Variants in FRMD4A observed in about 807,000 individuals in gnomAD.
The protein encoded by FRMD4A is FERM domain-containing protein 4A.
In FRMD4A, 29 loss-of-function variants were observed where a neutral mutation model predicts 129.1. The observed-to-expected ratio is 0.22, with a 90% CI of 0.17 to 0.31. The LOEUF (loss-of-function observed/expected upper bound fraction) is 0.31, where lower values mean the gene tolerates loss of function less well. Ranked by LOEUF, FRMD4A falls within the 10% of genes least tolerant of loss-of-function variation. FRMD4A has a pLI of 1.00. For missense variants in FRMD4A, 1,272 were observed against 1,375.8 expected (o/e 0.92, Z 1.19); for synonymous variants, 634 against 571.6 (o/e 1.11, Z -1.56).
intron 2 of FRMD4A, among the ~76,000 whole-genome samples, chr10:14,033,950 G>T (rs1326092207): frequency 6.6e-6 from 1 of 152,198 alleles, no homozygotes; most frequent in Non-Finnish European, 1.5e-5. Context: ...CTCATTTGCA[G>T]CAACATGCAT....
rs149503332 is a variant in FRMD4A at position 14,262,965 on chromosome 10, G to A, written c.45+67093C>T. Among the ~76,000 whole-genome samples the A allele has an allele frequency of 3.7e-4, 56 of 152,304 alleles. No individual in the cohort carries two copies. In the East Asian group the frequency reaches 8.5e-3, roughly 23 times the overall value. ...AAGAAGCAAACAACAAATGCAGCCC[G>A]TGCTGTTCTCATTCTGTCTGTCAGT... is the stretch of plus-strand genomic sequence containing the variant. On this transcript the variant is annotated intron_variant, in intron 2 of 24. Transcript: ENST00000357447.
intron 2 of FRMD4A, among the ~76,000 whole-genome samples, chr10:14,055,462 A>AACACAC (rs71388155): frequency 0.017 from 1,302 of 77,448 alleles, 17 homozygotes; most frequent in African/African-American, 0.07. Flanking sequence ...CACACACACA[A>AACACAC]ACACACACAC....
intron 2 of FRMD4A, among the ~76,000 whole-genome samples, chr10:14,299,525 G>T (rs905438292): frequency 6.6e-6 from 1 of 152,192 alleles, no homozygotes; most frequent in Non-Finnish European, 1.5e-5. Flanking sequence ...AGCTGAAAAG[G>T]TTGAGTAATT....
chr10:13,884,144 T>TCACCCA (rs773933481), intron 2 of FRMD4A, among the ~76,000 whole-genome samples: 58 of 105,156 alleles, frequency 5.5e-4, no homozygotes, highest in African/African-American at 2.1e-3. Context: ...TCACACACAC[T>TCACCCA]CTCACACACT....
At chr10:13,818,519 G>C (rs954895229) in intron 3 of FRMD4A, among the ~76,000 whole-genome samples, 12 of 151,986 alleles carry the variant, frequency 7.9e-5, no homozygotes, top group Non-Finnish European at 1.5e-4. Context: ...TCCTACAAAC[G>C]ATCCTGCCTT....
chr10:14,137,985 G>A (rs531420114), intron 2 of FRMD4A, among the ~76,000 whole-genome samples: 1 of 152,288 alleles, frequency 6.6e-6, no homozygotes, highest in East Asian at 1.9e-4. Flanking sequence ...ATAAGCAAGT[G>A]TGTGCCTGCC....
intron 2 of FRMD4A, among the ~76,000 whole-genome samples, chr10:14,178,485 C>A (rs932058435): frequency 1.3e-4 from 20 of 152,136 alleles, no homozygotes; most frequent in Admixed American, 6.5e-5. Context: ...ATTTCCAAGT[C>A]CTTTAAATAC....
intron 6 of FRMD4A, among the ~76,000 whole-genome samples, chr10:13,764,940 C>A (rs2092226543): frequency 1.3e-5 from 2 of 152,152 alleles, no homozygotes; most frequent in African/African-American, 4.8e-5. Flanking sequence ...CCCCCTACTA[C>A]TTGTCCAGTG....
chr10:13,975,849 A>G (rs76437938), intron 2 of FRMD4A, among the ~76,000 whole-genome samples: 3,359 of 152,302 alleles, frequency 0.022, 133 homozygotes, highest in African/African-American at 0.076. Context: ...ACTGTGACGA[A>G]GCTGGAGCAA....
chr10:13,766,274 C>A (rs1564765291), intron 6 of FRMD4A, among the ~76,000 whole-genome samples: 1 of 152,208 alleles, frequency 6.6e-6, no homozygotes, highest in Non-Finnish European at 1.5e-5. Flanking sequence ...GATTCAACTT[C>A]TCTCTCACCA....
intron 2 of FRMD4A, among the ~76,000 whole-genome samples, chr10:14,043,852 G>A (rs934479092): frequency 2.6e-5 from 4 of 152,160 alleles, no homozygotes; most frequent in Admixed American, 2.0e-4. Flanking sequence ...CTTAAGACAA[G>A]GTCTTGCCCT....
At chr10:13,946,496 C>G (rs758227596) in intron 2 of FRMD4A, among the ~76,000 whole-genome samples, 1 of 152,220 alleles carries the variant, frequency 6.6e-6, no homozygotes, top group Non-Finnish European at 1.5e-5. Context: ...GTACATGTGT[C>G]TTTTAGACAC....
chr10:14,309,696 GGTCCAGT>G (rs1846474500), intron 2 of FRMD4A, among the ~76,000 whole-genome samples: 2 of 151,892 alleles, frequency 1.3e-5, no homozygotes, highest in South Asian at 4.2e-4. Flanking sequence ...TCTAACAGTG[GGTCCAGT>G]GTTTTCACCC....
intron 2 of FRMD4A, among the ~76,000 whole-genome samples, chr10:14,134,476 T>C (rs73597245): frequency 0.036 from 5,366 of 148,148 alleles, 304 homozygotes; most frequent in African/African-American, 0.13. Flanking sequence ...CATGAATGGA[T>C]AGATATGTGG....
chr10:13,697,417 G>A (rs893609071), intron 14 of FRMD4A, among the ~76,000 whole-genome samples: 1 of 152,084 alleles, frequency 6.6e-6, no homozygotes, highest in Non-Finnish European at 1.5e-5. Flanking sequence ...CAAAGTGCTG[G>A]GATTACAGGC....
intron 2 of FRMD4A, among the ~76,000 whole-genome samples, chr10:14,313,541 C>T (rs780723575): frequency 3.9e-5 from 6 of 152,140 alleles, no homozygotes; most frequent in Middle Eastern, 3.2e-3. Flanking sequence ...ATAATGCTTA[C>T]GAAAGAGACA....
At chr10:13,660,259 G>C in intron 20 of FRMD4A, 57 bp downstream of exon 20, 1 of 1,119,214 alleles carries the variant, frequency 8.9e-7, no homozygotes, top group South Asian at 1.3e-5. Flanking sequence ...ACGGCCCTTT[G>C]ATTCTTCCAG....
At chr10:14,056,190 C>T (rs1834520966) in intron 2 of FRMD4A, among the ~76,000 whole-genome samples, 1 of 152,128 alleles carries the variant, frequency 6.6e-6, no homozygotes, top group Non-Finnish European at 1.5e-5. Flanking sequence ...TGCCACCACA[C>T]CTGGCTGGTT....
intron 2 of FRMD4A, among the ~76,000 whole-genome samples, chr10:14,101,792 C>A (rs1456602134): frequency 6.6e-6 from 1 of 150,446 alleles, no homozygotes; most frequent in Non-Finnish European, 1.5e-5. Context: ...ATCTCTCCTT[C>A]TGAATAATGC....
Sources: gnomAD v4.1 joint callset for allele counts (sites outside exome capture counted in the v4.1 genomes callset) on GRCh38, gnomAD v4.1.1 for gene constraint, MANE v1.5 for transcripts, NCBI Gene and HGNC (gene_info 2026-07-23, HGNC 2026-07-21) for gene names.